Variants in LNPK observed in about 807,000 individuals in gnomAD.
LNPK encodes endoplasmic reticulum junction formation protein lunapark.
Under a neutral mutation model 55.2 loss-of-function variants are expected in LNPK, and 29 were observed. That is an observed-to-expected ratio of 0.53 (90% CI 0.39 to 0.72). LNPK has a LOEUF of 0.72. LNPK is among the 30% of genes least tolerant of loss of function. LNPK has a pLI of 0.00. For synonymous variants in LNPK, 162 were observed against 168.2 expected, an observed-to-expected ratio of 0.96 and a Z score of 0.29; for missense variants, 467 against 494.8, an observed-to-expected ratio of 0.94 and a Z score of 0.53.
Position 175,929,933 on chromosome 2 carries a change from T to A in LNPK, c.*34A>T. The A allele has an allele frequency of 6.2e-7, 1 of 1,612,276 alleles. No individual in the cohort carries two copies. The highest frequency in any genetic ancestry group is 1.1e-5 in the South Asian group (1 of 90,868). ...GCAATAACTGACATCAGTAAGACTA[T>A]AAATATCCAGTTGAAGGCACGTGGA... On this transcript the variant is annotated 3_prime_UTR_variant, in exon 13 of 13. Coordinates refer to ENST00000272748, the MANE Select transcript of LNPK (RefSeq NM_030650.3).
chr2:175,976,012 C>CA (rs981585123), intron 5 of LNPK, among the ~76,000 whole-genome samples: 20 of 149,268 alleles, frequency 1.3e-4, no homozygotes, highest in East Asian at 7.9e-4. Context: ...GACTCCATCT[C>CA]AAAAAAAAAG....
rs896317062 is a variant in LNPK at position 175,968,079 on chromosome 2, A to G, written c.357+2685T>C. ...CACCATTAATAAGAGAGTGCCATAA[A>G]TGCCCACAAAACTGATTAGATTGTA... On this transcript the variant is annotated intron_variant, in intron 6 of 12. Transcript: ENST00000272748. Among the ~76,000 whole-genome samples, 12 of 152,316 alleles carry G rather than the reference A, an allele frequency of 7.9e-5. No homozygotes were observed. In the East Asian group the frequency reaches 2.3e-3, roughly 29 times the overall value.
intron 4 of LNPK, among the ~76,000 whole-genome samples, chr2:175,987,483 T>G (rs1450420736): frequency 6.6e-6 from 1 of 151,900 alleles, no homozygotes; most frequent in African/African-American, 2.4e-5. Context: ...TGAGAACACA[T>G]GGACACAGGA....
chr2:175,940,384 A>C (rs922255374), intron 9 of LNPK, among the ~76,000 whole-genome samples: 2 of 151,956 alleles, frequency 1.3e-5, no homozygotes, highest in African/African-American at 4.8e-5. Flanking sequence ...TGGAGAATTC[A>C]GCAGAGTACT....
At chr2:175,985,734 A>G (rs1687377479) in intron 4 of LNPK, among the ~76,000 whole-genome samples, 1 of 152,234 alleles carries the variant, frequency 6.6e-6, no homozygotes, top group Admixed American at 6.5e-5. Context: ...TTTATAAATT[A>G]GGCATAGTAA....
At chr2:175,993,263 A>G (rs1275268088) in intron 2 of LNPK, 40 bp from the exon 3 acceptor site, 1 of 1,250,758 alleles carries the variant, frequency 8.0e-7, no homozygotes, top group Non-Finnish European at 1.1e-6. Context: ...ATTAAAACTT[A>G]TCACAAACCT....
At chr2:175,967,333 T>G (rs931978859) in intron 6 of LNPK, among the ~76,000 whole-genome samples, 1 of 152,120 alleles carries the variant, frequency 6.6e-6, no homozygotes, top group African/African-American at 2.4e-5. Context: ...TTCTATAACA[T>G]GTAAAAATTA....
At chr2:175,983,032 GATTATTAC>G (rs1457455420) in intron 4 of LNPK, among the ~76,000 whole-genome samples, 22 of 152,298 alleles carry the variant, frequency 1.4e-4, no homozygotes, top group Non-Finnish European at 2.4e-4. Context: ...AAGCAATGGA[GATTATTAC>G]ACAGGGGCTC....
rs1324165706 is a variant in LNPK, at chr2:175,947,548, G to A, written c.638C>T (p.Thr213Ile). The A allele has an allele frequency of 1.2e-6, 2 of 1,614,064 alleles. No homozygotes were observed. Reference sequence around the variant, plus strand: ...TAACACATTTGATGATAGGGCTGGAGTAACAGTCCTTTCTGGGGGTCCACC... The same window carrying A: ...TAACACATTTGATGATAGGGCTGGAATAACAGTCCTTTCTGGGGGTCCACC... ...APGGPPERTV[T>I]PALSSNVLPR... is the part of the protein sequence containing the mutation. The change falls in exon 9 of 13, where the codon ACT becomes ATT. Residue 213 changes from threonine to isoleucine, a missense_variant. Coordinates refer to ENST00000272748, the MANE Select transcript of LNPK (RefSeq NM_030650.3).
intron 8 of LNPK, among the ~76,000 whole-genome samples, chr2:175,956,878 T>A (rs1685720820): frequency 6.6e-6 from 1 of 152,056 alleles, no homozygotes; most frequent in Non-Finnish European, 1.5e-5. Flanking sequence ...AACCAACCAT[T>A]TGCCTACTCC....
intron 8 of LNPK, among the ~76,000 whole-genome samples, chr2:175,958,827 AAGATT>A (rs1486393904): frequency 6.6e-6 from 1 of 152,188 alleles, no homozygotes; most frequent in African/African-American, 2.4e-5. Context: ...ACCTTGAAAA[AAGATT>A]AGACAAATGG....
At chr2:175,947,940 A>C (rs1574830663) in intron 8 of LNPK, among the ~76,000 whole-genome samples, 1 of 152,300 alleles carries the variant, frequency 6.6e-6, no homozygotes, top group Admixed American at 6.5e-5. Flanking sequence ...ACTTTTCAAA[A>C]CAAATCCAGT....
intron 4 of LNPK, among the ~76,000 whole-genome samples, chr2:175,986,366 TATAA>T (rs946167869): frequency 2.0e-5 from 3 of 152,034 alleles, no homozygotes; most frequent in Admixed American, 6.5e-5. Flanking sequence ...TAAATAAAAA[TATAA>T]ATATATATTT....
intron 8 of LNPK, among the ~76,000 whole-genome samples, chr2:175,960,150 C>T (rs1029213773): frequency 1.9e-4 from 29 of 152,210 alleles, no homozygotes; most frequent in African/African-American, 5.5e-4. Flanking sequence ...GACAGATCAA[C>T]GAGACAGAAG....
At chr2:175,983,223 T>C (rs1574887101) in intron 4 of LNPK, among the ~76,000 whole-genome samples, 1 of 152,136 alleles carries the variant, frequency 6.6e-6, no homozygotes, top group South Asian at 2.1e-4. Context: ...AGGCAGGAAT[T>C]AAAAAGAAAT....
At chr2:175,963,652 A>G (rs2105625523) in intron 8 of LNPK, among the ~76,000 whole-genome samples, 1 of 152,282 alleles carries the variant, frequency 6.6e-6, no homozygotes, top group East Asian at 1.9e-4. Flanking sequence ...ATATATACAT[A>G]TGTAACTAAC....
chr2:175,934,975 G>A (rs1401110771), intron 12 of LNPK, among the ~76,000 whole-genome samples: 4 of 151,884 alleles, frequency 2.6e-5, no homozygotes, highest in South Asian at 2.1e-4. Context: ...TCTAAAGAGC[G>A]GTCCAGAAAT....
intron 9 of LNPK, among the ~76,000 whole-genome samples, chr2:175,941,837 T>A (rs1684862271): frequency 1.3e-4 from 15 of 119,616 alleles, no homozygotes; most frequent in South Asian, 3.2e-4. Context: ...GAGAGAAATC[T>A]TAAAAAAAAA....
intron 8 of LNPK, among the ~76,000 whole-genome samples, chr2:175,951,117 T>C (rs965777030): frequency 6.6e-6 from 1 of 152,142 alleles, no homozygotes; most frequent in Non-Finnish European, 1.5e-5. Context: ...ATACTCTTTT[T>C]ATGCTGCTAG....
Sources: allele counts gnomAD v4.1 joint callset (sites outside exome capture counted in the v4.1 genomes callset), GRCh38; gene constraint gnomAD v4.1.1; transcripts MANE v1.5; gene names NCBI Gene and HGNC (gene_info 2026-07-23, HGNC 2026-07-21).